ZNF804B: variants seen among roughly 807,000 people sequenced by gnomAD.
ZNF804B encodes zinc finger protein 804B.
A neutral mutation model predicts 101.4 loss-of-function variants in ZNF804B; 80 were observed. The observed-to-expected ratio is 0.79, with a 90% CI of 0.66 to 0.95. The LOEUF is 0.95. Among genes scored for constraint, ZNF804B ranks in the 40% least tolerant of loss-of-function variants. The pLI, the probability that ZNF804B is intolerant of heterozygous loss-of-function variation, is 0.00. For synonymous variants in ZNF804B, 622 were observed against 558.8 expected (o/e 1.11, Z -1.59); for missense variants, 1,673 against 1,561.9 (o/e 1.07, Z -1.20).
chr7:89,218,133 A>G (rs1788924762), intron 1 of ZNF804B, 22 bp from the exon 2 acceptor site: 1 of 1,578,288 alleles, frequency 6.3e-7, no homozygotes, highest in Non-Finnish European at 8.6e-7. Flanking sequence ...TCTAACCAAC[A>G]TTTATGTATT....
chr7:89,085,833 C>T (rs1444241500), intron 1 of ZNF804B, among the ~76,000 whole-genome samples: 1 of 151,910 alleles, frequency 6.6e-6, no homozygotes, highest in Non-Finnish European at 1.5e-5. Context: ...GGATTGCCCT[C>T]CTGTTGGTTA....
intron 2 of ZNF804B, among the ~76,000 whole-genome samples, chr7:89,219,638 G>A (rs1304597328): frequency 2.0e-5 from 3 of 151,232 alleles, no homozygotes; most frequent in Admixed American, 6.6e-5. Context: ...AAATACCACC[G>A]ACTGAGAAAA....
At chr7:89,067,166 T>C (rs1789466740) in intron 1 of ZNF804B, among the ~76,000 whole-genome samples, 1 of 152,132 alleles carries the variant, frequency 6.6e-6, no homozygotes, top group African/African-American at 2.4e-5. Context: ...AAGAAACATG[T>C]ATTATAAGGA....
chr7:89,023,466 T>C (rs1012695975), intron 1 of ZNF804B, among the ~76,000 whole-genome samples: 1 of 152,190 alleles, frequency 6.6e-6, no homozygotes, highest in Non-Finnish European at 1.5e-5. Flanking sequence ...AGAAATAAAA[T>C]AAGATGATAC....
At chr7:89,209,021 A>AAAT (rs754699709) in intron 1 of ZNF804B, among the ~76,000 whole-genome samples, 38 of 152,000 alleles carry the variant, frequency 2.5e-4, no homozygotes, top group South Asian at 1.0e-3. Context: ...CAAAAAAATA[A>AAAT]AATAATAATA....
At chr7:89,310,381 T>G (rs530543854) in intron 2 of ZNF804B, among the ~76,000 whole-genome samples, 1 of 152,280 alleles carries the variant, frequency 6.6e-6, no homozygotes, top group East Asian at 1.9e-4. Flanking sequence ...ATACTATCTT[T>G]AGATTTAAAA....
At chr7:89,191,231 A>G (rs1788451802) in intron 1 of ZNF804B, among the ~76,000 whole-genome samples, 1 of 152,218 alleles carries the variant, frequency 6.6e-6, no homozygotes, top group African/African-American at 2.4e-5. Context: ...CATATAAAAG[A>G]CAAAATTATC....
chr7:88,761,117 T>C (rs1474545957), intron 1 of ZNF804B, among the ~76,000 whole-genome samples: 1 of 151,950 alleles, frequency 6.6e-6, no homozygotes, highest in Non-Finnish European at 1.5e-5. Flanking sequence ...TTCTTTAGCA[T>C]GAATTATTCA....
intron 1 of ZNF804B, among the ~76,000 whole-genome samples, chr7:89,094,071 A>G (rs1055598605): frequency 2.0e-5 from 3 of 152,230 alleles, no homozygotes; most frequent in African/African-American, 7.2e-5. Context: ...AGACCTTACA[A>G]ACACTTTATA....
intron 2 of ZNF804B, among the ~76,000 whole-genome samples, chr7:89,326,512 C>A (rs146556059): frequency 1.3e-5 from 2 of 152,122 alleles, no homozygotes; most frequent in East Asian, 3.9e-4. Flanking sequence ...AGATTTTAGA[C>A]TGTTTAAAAT....
At chr7:88,891,239 T>C (rs1261974608) in intron 1 of ZNF804B, among the ~76,000 whole-genome samples, 1 of 152,120 alleles carries the variant, frequency 6.6e-6, no homozygotes, top group Non-Finnish European at 1.5e-5. Flanking sequence ...GATACATCTA[T>C]TTTTGCTTTA....
intron 1 of ZNF804B, among the ~76,000 whole-genome samples, chr7:89,198,075 G>A (rs1390858527): frequency 2.0e-5 from 3 of 151,672 alleles, no homozygotes; most frequent in South Asian, 2.1e-4. Context: ...GCAAACAAAC[G>A]GATTATTAAA....
At chr7:89,074,195 G>T (rs1029752371) in intron 1 of ZNF804B, among the ~76,000 whole-genome samples, 1 of 152,170 alleles carries the variant, frequency 6.6e-6, no homozygotes, top group South Asian at 2.1e-4. Flanking sequence ...AACTTGAGTT[G>T]AATTTCTTGT....
At chr7:89,085,492 A>G (rs919302984) in intron 1 of ZNF804B, among the ~76,000 whole-genome samples, 4 of 151,788 alleles carry the variant, frequency 2.6e-5, no homozygotes, top group Admixed American at 1.3e-4. Context: ...CAAGTCTGCT[A>G]TGTTCACTCT....
At chr7:89,177,183 GTTATTTAAGATGCATCA>G (rs1372073112) in intron 1 of ZNF804B, among the ~76,000 whole-genome samples, 16 of 152,022 alleles carry the variant, frequency 1.1e-4, no homozygotes, top group Admixed American at 2.0e-4. Context: ...TGCTTTTTTA[GTTATTTAAGATGCATCA>G]TTAGGTTGTT....
chr7:89,005,342 A>G (rs1425296560), intron 1 of ZNF804B, among the ~76,000 whole-genome samples: 2 of 151,974 alleles, frequency 1.3e-5, no homozygotes, highest in Non-Finnish European at 2.9e-5. Flanking sequence ...AACATCACAG[A>G]TTTTGTTGTT....
chr7:89,038,545 G>A (rs6968423), intron 1 of ZNF804B, among the ~76,000 whole-genome samples: 121,094 of 152,058 alleles, frequency 0.8, 48,614 homozygotes, highest in African/African-American at 0.91. Flanking sequence ...TTTGAGTTCC[G>A]TATGTATTTT....
At chr7:89,018,439 A>G (rs1788605942) in intron 1 of ZNF804B, among the ~76,000 whole-genome samples, 1 of 150,330 alleles carries the variant, frequency 6.7e-6, no homozygotes, top group Non-Finnish European at 1.5e-5. Context: ...GATTGCATCC[A>G]TGCTCTTCAG....
Position 89,334,822 on chromosome 7 carries a change from A to T in ZNF804B, c.1840A>T (p.Arg614Ter). ...TTCAAGGGCCCATTGGCAAGGCTGC[A>T]GAAAGGCAGTTCTAAATGATATAGA... Reference protein sequence around the residue: ...EASRAHWQGCRKAVLNDIDED... With the variant: ...EASRAHWQGC The change falls in exon 4 of 4, where the codon AGA becomes TGA. Residue 614 changes from arginine (R) to a stop codon, truncating the protein, a stop_gained. Transcript: ENST00000333190. LOFTEE classifies it high-confidence loss of function. The T allele has an allele frequency of 6.2e-7, 1 of 1,613,878 alleles. No individual in the cohort carries two copies. Among genetic ancestry groups the T allele is most frequent in the Non-Finnish European group, 8.5e-7 (1 of 1,179,874 alleles).
Sources: gnomAD v4.1 joint callset for allele counts (sites outside exome capture counted in the v4.1 genomes callset) on GRCh38, gnomAD v4.1.1 for gene constraint, MANE v1.5 for transcripts, NCBI Gene and HGNC (gene_info 2026-07-23, HGNC 2026-07-21) for gene names.